The following MACF1 variants were observed in gnomAD, a reference collection of about 807,000 sequenced individuals.
MACF1 encodes the protein microtubule actin crosslinking factor 1.
MACF1 carries 193 observed loss-of-function variants against 854.8 expected under a neutral mutation model. The ratio of observed to expected loss-of-function variants is 0.23; its 90% CI spans 0.20 to 0.25. The LOEUF is 0.25. Ranked by LOEUF, MACF1 falls within the 10% of genes least tolerant of loss-of-function variation. MACF1 has a pLI of 1.00. For missense variants in MACF1, 7,722 were observed against 8,929.1 expected (o/e 0.86, Z 5.45); for synonymous variants, 3,185 against 3,226.7 (o/e 0.99, Z 0.44).
rs373482636 is a variant in MACF1, at chr1:39,422,197, A to G, written c.15817-177A>G. Among the ~76,000 whole-genome samples, 130 of 152,370 alleles carry G rather than the reference A, an allele frequency of 8.5e-4. 2 individuals are homozygous for G. The South Asian group carries it at 0.014, about 17-fold the overall frequency. On this transcript the variant is annotated intron_variant, in intron 58 of 100. Coordinates refer to ENST00000564288, the MANE Select transcript of MACF1 (RefSeq NM_001394062.1). ...TAATTACATGTCCATAGGAGAATGT[A>G]TTGAAATACAAAACCACATGTTTTC...
intron 44 of MACF1, among the ~76,000 whole-genome samples, chr1:39,355,148 T>G (rs1011283836): frequency 6.6e-6 from 1 of 152,236 alleles, no homozygotes; most frequent in African/African-American, 2.4e-5. Flanking sequence ...TAATAGGATT[T>G]CTGCCTCTTG....
intron 2 of MACF1, chr1:39,103,353 A>G: frequency 4.3e-6 from 1 of 233,036 alleles, no homozygotes; most frequent in Admixed American, 5.2e-5. Context: ...TAATGGACAT[A>G]AGGAGGCAGA....
chr1:39,427,766 A>G, intron 62 of MACF1, 152 bp downstream of exon 62: 1 of 980,266 alleles, frequency 1.0e-6, no homozygotes, highest in Non-Finnish European at 1.5e-6. Context: ...ACATTCTTGA[A>G]ATACAAATAG....
intron 86 of MACF1, 31 bp downstream of exon 86, chr1:39,452,381 G>T: frequency 6.3e-7 from 1 of 1,592,894 alleles, no homozygotes; most frequent in Non-Finnish European, 8.6e-7. Context: ...CAACCCAAGG[G>T]ATAGATCTGA....
chr1:39,317,436 A>G, intron 29 of MACF1, 29 bp downstream of exon 29: 1 of 1,604,682 alleles, frequency 6.2e-7, no homozygotes, highest in Non-Finnish European at 8.5e-7. Context: ...TTTTTCTCCT[A>G]TTAGAGTTCA....
chr1:39,389,548 T>C (rs28501327), intron 58 of MACF1, among the ~76,000 whole-genome samples: 2 of 151,150 alleles, frequency 1.3e-5, no homozygotes, highest in East Asian at 3.9e-4. Flanking sequence ...TTAGTAGAGA[T>C]GGGGTTTCAC....
At position 39,151,417 on chromosome 1, in the gene MACF1, C is replaced by T. The variant is rs115369639; in HGVS notation, c.220+66979C>T. Among the ~76,000 whole-genome samples the T allele has an allele frequency of 4.9e-3, 740 of 152,264 alleles. 5 individuals are homozygous for T. The highest frequency in any genetic ancestry group is 0.017 in the African/African-American group (709 of 41,558). ...AAATCTGATTATAAAAATAGTCACT[C>T]GGAAGCCCTTGCAATGGGTTTCCAT... On this transcript the variant is annotated intron_variant, in intron 2 of 93. Transcript: ENST00000361689.
intron 85 of MACF1, among the ~76,000 whole-genome samples, chr1:39,451,745 C>T (rs1396872310): frequency 6.6e-6 from 1 of 152,120 alleles, no homozygotes; most frequent in Non-Finnish European, 1.5e-5. Context: ...ATTCTGGAAA[C>T]GTTAGTATAA....
intron 2 of MACF1, among the ~76,000 whole-genome samples, chr1:39,133,064 T>TG (rs1643050519): frequency 1.3e-5 from 2 of 152,198 alleles, no homozygotes; most frequent in African/African-American, 4.8e-5. Flanking sequence ...TATTAGTCCC[T>TG]GGGGGAAGTG....
At chr1:39,111,505 C>T (rs1642404282) in intron 2 of MACF1, among the ~76,000 whole-genome samples, 1 of 152,060 alleles carries the variant, frequency 6.6e-6, no homozygotes, top group African/African-American at 2.4e-5. Context: ...GTCTCAGCCT[C>T]CCGAGTAGCT....
chr1:39,334,187 G>T lies in MACF1; in HGVS notation c.7599G>T (p.Glu2533Asp). 6.2e-7 allele frequency: 1 copy of T among 1,614,118 alleles called. No homozygotes were observed. Among genetic ancestry groups the T allele is most frequent in the Non-Finnish European group, 8.5e-7 (1 of 1,180,012 alleles). Reference protein sequence around the residue: ...RHGLIGEDLAEKLKRVENLNI... With the variant: ...RHGLIGEDLADKLKRVENLNI... ...GCTTAATTGGTGAAGATTTAGCCGA[G>T]AAACTCAAAAGAGTTGAGAACTTAA... Residue 2533 changes from glutamate to aspartate, a missense_variant, in exon 37 of 101, where the codon GAG (glutamate) becomes GAT (aspartate). Glu to Asp is a conservative substitution (Grantham distance 45). This residue lies in a region of MACF1 where 1,531 missense variants were observed against 1,601.6 expected (regional missense o/e 0.96). Transcript: ENST00000564288.
chr1:39,152,656 C>T (rs1331632811), intron 2 of MACF1, among the ~76,000 whole-genome samples: 2 of 152,138 alleles, frequency 1.3e-5, no homozygotes, highest in Non-Finnish European at 2.9e-5. Context: ...GAGGTGCCAC[C>T]ATACATTCTA....
In MACF1 at chr1:39,103,409, T is replaced by G. The variant is rs367663543; in HGVS notation, c.220+18971T>G. 2.4e-4 allele frequency: 42 copies of G among 177,074 alleles called. No homozygotes were observed. In the East Asian group the frequency reaches 3.9e-3, roughly 16 times the overall value. The allele number at this position is 177,074 out of a possible 1,614,324, so 11.0% of individuals were successfully genotyped here. On this transcript the variant is annotated intron_variant, in intron 2 of 93. Coordinates refer to the MACF1 transcript ENST00000361689. ...GTCTGTGTGGAGGTGTTTGTATGCG[T>G]GATTTCTGTCTGGGCCTTCTTAGGC...
intron 89 of MACF1, among the ~76,000 whole-genome samples, chr1:39,455,375 A>G (rs529940718): frequency 3.3e-5 from 5 of 152,118 alleles, no homozygotes; most frequent in Non-Finnish European, 7.4e-5. Context: ...TTTTAGGCTC[A>G]CTCAGGATGT....
At position 39,430,083 on chromosome 1, in the gene MACF1, T is replaced by C. The variant is rs1643846866; in HGVS notation, c.17130+15T>C. 16 of 1,596,466 alleles carry C rather than the reference T, an allele frequency of 1.0e-5. No homozygotes were observed. The highest frequency in any genetic ancestry group is 1.4e-5 in the African/African-American group (1 of 73,844). On this transcript the variant is annotated intron_variant, in intron 65 of 100. Transcript: ENST00000564288. ...AGAGACAGAAGGTGAGCTGTTACTT[T>C]ACCATAAAAAGAAAAAAAGGCTTCC...
chr1:39,333,870 C>T lies in MACF1; in HGVS notation c.7282C>T (p.Leu2428Phe). Residue 2428 changes from leucine (L) to phenylalanine (F), a missense_variant, in exon 37 of 101, where the codon CTT (leucine) becomes TTT (phenylalanine). Around this residue, in one of 15 missense-constraint regions of MACF1, gnomAD observed 1,531 missense variants for 1,601.6 expected, o/e 0.96. Transcript: ENST00000564288. ...AGTTTCAGTAACTTTGGCCTCAACT[C>T]TTGGCTTGGTGGACGTTGCTGACCA... ...KKVSVTLAST[L>F]GLVDVADQPE... 6.2e-7 allele frequency: 1 copy of T among 1,614,180 alleles called. No individual in the cohort carries two copies. The highest frequency in any genetic ancestry group is 8.5e-7 in the Non-Finnish European group (1 of 1,180,026).
intron 44 of MACF1, among the ~76,000 whole-genome samples, chr1:39,354,790 G>A (rs942930065): frequency 3.3e-5 from 5 of 152,128 alleles, no homozygotes; most frequent in Admixed American, 6.5e-5. Flanking sequence ...AACGCACACT[G>A]TTTCTTACAG....
chr1:39,402,331 C>T (rs1642510072), intron 58 of MACF1, among the ~76,000 whole-genome samples: 2 of 152,118 alleles, frequency 1.3e-5, no homozygotes, highest in South Asian at 4.2e-4. Context: ...GGGGGAGGCC[C>T]ACATCATCAC....
At position 39,357,901 on chromosome 1, in the gene MACF1, G is replaced by A. The variant is rs781221796; in HGVS notation, c.11943+8G>A. On this transcript the variant is annotated splice_region_variant and intron_variant, in intron 45 of 100. Coordinates refer to ENST00000564288, the MANE Select transcript of MACF1 (RefSeq NM_001394062.1). ...ACTGCTCTCCACTCAAAGGTAAGGG[G>A]GCAGTTCCTGGCATCCTTGGTGAAA... is the stretch of plus-strand genomic sequence containing the variant. 6.3e-7 allele frequency: 1 copy of A among 1,593,274 alleles called. No homozygotes were observed. Among genetic ancestry groups the A allele is most frequent in the Admixed American group, 1.7e-5 (1 of 57,168 alleles).
Sources: gnomAD v4.1 joint callset for allele counts (sites outside exome capture counted in the v4.1 genomes callset) on GRCh38, gnomAD v4.1.1 for gene constraint, gnomAD v4.1.1 regional missense constraint, MANE v1.5 for transcripts, NCBI Gene and HGNC (gene_info 2026-07-23, HGNC 2026-07-21) for gene names.